The following FARS2 variants were observed in gnomAD, a reference collection of about 807,000 sequenced individuals.
The protein encoded by FARS2 is phenylalanyl-tRNA synthetase 2, mitochondrial, also known as phenylalanine--tRNA ligase, mitochondrial.
FARS2 carries 40 observed loss-of-function variants against 46.4 expected under a neutral mutation model. The observed-to-expected ratio is 0.86, with a 90% CI of 0.67 to 1.12. FARS2 has a LOEUF of 1.12. Ranked by LOEUF, FARS2 falls within the 50% of genes most tolerant of loss-of-function variation. The probability of loss-of-function intolerance (pLI) is 0.00; values close to 1 mark genes in which losing one functional copy is unlikely to be tolerated. For missense variants in FARS2, 513 were observed against 567.9 expected (o/e 0.90, Z 0.98); for synonymous variants, 234 against 214.9 (o/e 1.09, Z -0.78).
chr6:5,344,425 C>T (rs1228685095), intron 1 of FARS2, among the ~76,000 whole-genome samples: 1 of 151,342 alleles, frequency 6.6e-6, no homozygotes, highest in Non-Finnish European at 1.5e-5. Context: ...CTTGGATAAT[C>T]CACCTTGGCC....
At chr6:5,761,150 A>G (rs759302950) in intron 6 of FARS2, among the ~76,000 whole-genome samples, 3 of 152,046 alleles carry the variant, frequency 2.0e-5, no homozygotes, top group Non-Finnish European at 4.4e-5. Context: ...TCTAGACCTA[A>G]TCTCATCTCC....
rs527846279 is a variant in FARS2 at position 5,603,916 on chromosome 6, A to G, written c.1066-9253A>G. 2.6e-4 allele frequency among the ~76,000 whole-genome samples: 39 copies of G among 152,320 alleles called. 2 individuals are homozygous for G. The South Asian group carries it at 7.5e-3, about 29-fold the overall frequency. On this transcript the variant is annotated intron_variant, in intron 5 of 6. Transcript: ENST00000274680. ...TGCCAGCTGTGACATAGCCCATTGC[A>G]GAGAAGCCAGTTAAAGGCTGCAGCT...
intron 3 of FARS2, among the ~76,000 whole-genome samples, chr6:5,409,862 G>C (rs1761831849): frequency 6.6e-6 from 1 of 152,206 alleles, no homozygotes; most frequent in African/African-American, 2.4e-5. Context: ...TCTGCCGGTT[G>C]TGTTGCCACG....
the FARS2 span, among the ~76,000 whole-genome samples, chr6:5,254,115 G>A: frequency 2.6e-5 from 4 of 152,202 alleles, no homozygotes; most frequent in Non-Finnish European, 5.9e-5. Flanking sequence ...GCAAATCCAT[G>A]AGATGCACTG....
chr6:5,745,417 C>G (rs996590249), intron 6 of FARS2, among the ~76,000 whole-genome samples: 1 of 152,208 alleles, frequency 6.6e-6, no homozygotes, highest in Non-Finnish European at 1.5e-5. Flanking sequence ...AGATAAATAC[C>G]AATTTCTGTT....
chr6:5,654,749 C>T (rs1777529440), intron 6 of FARS2, among the ~76,000 whole-genome samples: 1 of 152,088 alleles, frequency 6.6e-6, no homozygotes, highest in African/African-American at 2.4e-5. Context: ...GCAGTTGACC[C>T]TTGAACAAGT....
At chr6:5,382,457 A>T (rs185948653) in intron 2 of FARS2, among the ~76,000 whole-genome samples, 46 of 152,330 alleles carry the variant, frequency 3.0e-4, no homozygotes, top group African/African-American at 1.0e-3. Context: ...AATGATTTTT[A>T]TTTAAACTTT....
intron 5 of FARS2, among the ~76,000 whole-genome samples, chr6:5,567,780 T>G (rs1029268302): frequency 6.6e-6 from 1 of 152,224 alleles, no homozygotes; most frequent in Non-Finnish European, 1.5e-5. Flanking sequence ...ACAGAAGAGA[T>G]CTGAAATTTA....
intron 5 of FARS2, among the ~76,000 whole-genome samples, chr6:5,580,971 A>G (rs905701774): frequency 6.6e-6 from 1 of 152,264 alleles, no homozygotes; most frequent in Non-Finnish European, 1.5e-5. Context: ...TTGGTTCTGG[A>G]AAGTTTTCCC....
chr6:5,498,636 A>C (rs893242410), intron 4 of FARS2, among the ~76,000 whole-genome samples: 1 of 152,078 alleles, frequency 6.6e-6, no homozygotes, highest in Non-Finnish European at 1.5e-5. Context: ...TTTAGTTTAC[A>C]CAAAAAGTAG....
chr6:5,532,105 A>G (rs531601444), intron 4 of FARS2, among the ~76,000 whole-genome samples: 79 of 152,312 alleles, frequency 5.2e-4, no homozygotes, highest in African/African-American at 1.7e-3. Context: ...GTGAGCACCT[A>G]CCTACACAAA....
chr6:5,509,527 C>T (rs558450940), intron 4 of FARS2, among the ~76,000 whole-genome samples: 3 of 152,312 alleles, frequency 2.0e-5, no homozygotes, highest in African/African-American at 7.2e-5. Context: ...AGACAAGGGG[C>T]AGACTCGATG....
intron 6 of FARS2, among the ~76,000 whole-genome samples, chr6:5,705,636 G>T (rs1014634231): frequency 2.0e-5 from 3 of 152,134 alleles, no homozygotes; most frequent in Non-Finnish European, 2.9e-5. Context: ...CTCGCCTGTG[G>T]CTCACTGCCC....
intron 5 of FARS2, among the ~76,000 whole-genome samples, chr6:5,560,241 T>C (rs1582448555): frequency 6.6e-6 from 1 of 152,304 alleles, no homozygotes; most frequent in East Asian, 1.9e-4. Context: ...TAGGGGTGTT[T>C]CCTTCTACTT....
chr6:5,442,058 C>G (rs897884820), intron 4 of FARS2, among the ~76,000 whole-genome samples: 3 of 148,636 alleles, frequency 2.0e-5, no homozygotes, highest in African/African-American at 7.9e-5. Flanking sequence ...GAGTAGCCGC[C>G]ACTCCACTCC....
At chr6:5,475,582 C>T (rs1766074412) in intron 4 of FARS2, among the ~76,000 whole-genome samples, 1 of 152,186 alleles carries the variant, frequency 6.6e-6, no homozygotes, top group Non-Finnish European at 1.5e-5. Context: ...GGCTCTAGCT[C>T]ATGGCCTTCA....
Position 5,545,186 on chromosome 6 carries a change from C to A in FARS2, c.911C>A (p.Ala304Asp). ...MEQQLVNSAG[A>D]QDRIGWAFGL... ...TTTTGTTTCCTAATCACAGCTGGTGCTCAAGACCGAATCGGCTGGGCTTTT... is the reference window on the plus strand; with the variant it reads ...TTTTGTTTCCTAATCACAGCTGGTGATCAAGACCGAATCGGCTGGGCTTTT... Residue 304 changes from alanine to aspartate, a missense_variant, in exon 5 of 7, where the codon GCT (alanine) becomes GAT (aspartate). Physicochemically the swap from Ala to Asp is moderately radical, Grantham distance 126. Transcript: ENST00000274680. 1 of 1,613,730 alleles carries A rather than the reference C, an allele frequency of 6.2e-7. No homozygotes were observed. The highest frequency in any genetic ancestry group is 8.5e-7 in the Non-Finnish European group (1 of 1,179,790).
chr6:5,702,330 A>G (rs1051969663), intron 6 of FARS2, among the ~76,000 whole-genome samples: 2 of 152,230 alleles, frequency 1.3e-5, no homozygotes, highest in Admixed American at 6.5e-5. Flanking sequence ...AGCAAACTAT[A>G]TATGCTCAAC....
intron 6 of FARS2, among the ~76,000 whole-genome samples, chr6:5,760,009 T>C (rs1315233561): frequency 6.6e-6 from 1 of 152,190 alleles, no homozygotes; most frequent in Admixed American, 6.5e-5. Flanking sequence ...AAATCCCTGT[T>C]TTGCCCCTCT....
Sources: gnomAD v4.1 joint callset for allele counts (sites outside exome capture counted in the v4.1 genomes callset) on GRCh38, gnomAD v4.1.1 for gene constraint, MANE v1.5 for transcripts, NCBI Gene and HGNC (gene_info 2026-07-23, HGNC 2026-07-21) for gene names.